PODN: variants seen among roughly 807,000 people sequenced by gnomAD.
PODN encodes podocan, also known as podocan proteoglycan.
PODN carries 40 observed loss-of-function variants against 52.7 expected under a neutral mutation model. The observed-to-expected ratio is 0.76, with a 90% CI of 0.59 to 0.99. The LOEUF (loss-of-function observed/expected upper bound fraction) is 0.99. Among genes scored for constraint, PODN ranks in the 50% least tolerant of loss-of-function variants. The pLI is 0.00. For synonymous variants in PODN, 396 were observed against 377.9 expected, an observed-to-expected ratio of 1.05 and a Z score of -0.56; for missense variants, 720 against 815.1, an observed-to-expected ratio of 0.88 and a Z score of 1.42.
At chr1:53,076,540 C>T (rs1644197663) in intron 5 of PODN, among the ~76,000 whole-genome samples, 1 of 152,186 alleles carries the variant, frequency 6.6e-6, no homozygotes, top group Non-Finnish European at 1.5e-5. Context: ...TCCTTGTCTT[C>T]CCTCCTTCTA....
At chr1:53,077,095 A>C in intron 5 of PODN, 95 bp from the exon 6 acceptor site, 3 of 1,455,384 alleles carry the variant, frequency 2.1e-6, no homozygotes, top group Non-Finnish European at 2.8e-6. Flanking sequence ...GGATGGAAGG[A>C]GAGCAGCCTG....
intron 1 of PODN, among the ~76,000 whole-genome samples, chr1:53,064,524 CTT>C (rs1004195480): frequency 3.9e-5 from 6 of 152,182 alleles, no homozygotes; most frequent in Admixed American, 1.3e-4. Context: ...TTTGTACTGA[CTT>C]TGAGTGGAGA....
At chr1:53,067,950 A>G (rs1483163244) in intron 1 of PODN, among the ~76,000 whole-genome samples, 2 of 150,762 alleles carry the variant, frequency 1.3e-5, no homozygotes, top group Non-Finnish European at 2.9e-5. Context: ...AGCAAGATCT[A>G]CAAGATCTAG....
Position 53,062,287 on chromosome 1 carries a change from G to T in PODN, c.-77G>T. ...GAGCGCGTTCGGCCTGTGGGGCGCC[G>T]CTCGGCGCCGGGGCGCAGCAGGTAC... On this transcript the variant is annotated 5_prime_UTR_variant, in exon 1 of 11. Coordinates refer to ENST00000312553, the MANE Select transcript of PODN (RefSeq NM_153703.5). The T allele has an allele frequency of 1.6e-6, 2 of 1,261,014 alleles. No homozygotes were observed. Among genetic ancestry groups the T allele is most frequent in the East Asian group, 3.0e-5 (1 of 33,412 alleles). 78.1% of individuals were successfully genotyped at this position (1,261,014 alleles called of 1,614,324 possible).
chr1:53,078,459 GAGA>G lies in PODN; in HGVS notation c.954_956del (p.Lys318del). On this transcript the variant is annotated inframe_deletion, in exon 8 of 11. Coordinates refer to ENST00000312553, the MANE Select transcript of PODN (RefSeq NM_153703.5). ...GCGCAGCCTGGTGCTGCTGCACTTG[GAGA>G]AGAACGCCATCCGGAGCGTGGACGC... The G allele has an allele frequency of 6.2e-7, 1 of 1,613,432 alleles. No individual in the cohort carries two copies.
rs371534933 is a variant in PODN at position 53,078,354 on chromosome 1, C to T, written c.855-11C>T. ...CTCTTGCCAACCGTCCTAATTCCCT[C>T]CCTGCCCCAGGAAGCTCTCCAGCCT... On this transcript the variant is annotated splice_polypyrimidine_tract_variant and intron_variant, in intron 7 of 10. Coordinates refer to ENST00000312553, the MANE Select transcript of PODN (RefSeq NM_153703.5). 31 of 1,604,430 alleles carry T rather than the reference C, an allele frequency of 1.9e-5. No homozygotes were observed. Among genetic ancestry groups the T allele is most frequent in the Non-Finnish European group, 1.2e-5 (14 of 1,172,920 alleles).
intron 9 of PODN, 23 bp downstream of exon 9, chr1:53,080,899 G>C (rs771990224): frequency 3.4e-5 from 55 of 1,612,374 alleles, no homozygotes; most frequent in Admixed American, 2.7e-4. Context: ...TCGCGGCCCT[G>C]TACACACCCC....
intron 1 of PODN, among the ~76,000 whole-genome samples, chr1:53,069,220 T>C (rs903188826): frequency 6.6e-6 from 1 of 152,140 alleles, no homozygotes; most frequent in Non-Finnish European, 1.5e-5. Flanking sequence ...CTGGAATTGG[T>C]TCCCAGAAAA....
chr1:53,077,740 G>A lies in PODN; in HGVS notation c.794G>A (p.Arg265His), dbSNP rs777742046. The A allele has an allele frequency of 1.7e-5, 27 of 1,613,606 alleles. No individual in the cohort carries two copies. Among genetic ancestry groups the A allele is most frequent in the South Asian group, 8.8e-5 (8 of 91,066 alleles). ...PGAFSELSSLRELYLQNNYLT... is the reference protein window; with the variant it reads ...PGAFSELSSLHELYLQNNYLT... ...GCCTTCAGCGAGCTGAGCAGCCTGC[G>A]CGAGCTATACCTGCAGAACAACTAC... is the stretch of plus-strand genomic sequence containing the variant. Residue 265 changes from arginine to histidine, a missense_variant, in exon 7 of 11, where the codon CGC becomes CAC. Physicochemically the swap from Arg to His is conservative, Grantham distance 29. Transcript: ENST00000312553.
intron 8 of PODN, among the ~76,000 whole-genome samples, chr1:53,080,262 C>T (rs1486416422): frequency 6.6e-6 from 1 of 152,190 alleles, no homozygotes; most frequent in East Asian, 1.9e-4. Flanking sequence ...AGTGAGCAGT[C>T]CCACTCAAGC....
At position 53,075,940 on chromosome 1, in the gene PODN, G is replaced by T; in HGVS notation, c.550G>T (p.Gly184Trp). 1.1e-5 allele frequency: 17 copies of T among 1,602,352 alleles called. No homozygotes were observed. Among genetic ancestry groups the T allele is most frequent in the Non-Finnish European group, 1.4e-5 (17 of 1,173,226 alleles). ...FAANYLTKIY[G>W]LTFGQKPNLR... ...TGCCAACTATCTCACCAAGATCTAT[G>T]GGCTCACCTTTGGCCAGAAGCCAAA... is the stretch of plus-strand genomic sequence containing the variant. Residue 184 changes from glycine (G) to tryptophan (W), a missense_variant, in exon 5 of 11, where the codon GGG (glycine) becomes TGG (tryptophan). By Grantham distance (184) the Gly-to-Trp change is radical. Coordinates refer to ENST00000312553, the MANE Select transcript of PODN (RefSeq NM_153703.5).
rs1644241668 is a variant in PODN, at chr1:53,078,886, A to G, written c.1376A>G (p.Lys459Arg). ...LPRNVHVLKV[K>R]RNELAALARG... ...CGAAATGTCCATGTGCTGAAGGTCAAGCGCAATGAGCTGGCTGCCTTGGCA... is the reference window on the plus strand; with the variant it reads ...CGAAATGTCCATGTGCTGAAGGTCAGGCGCAATGAGCTGGCTGCCTTGGCA... Residue 459 changes from lysine (K) to arginine (R), a missense_variant, in exon 8 of 11, where the codon AAG becomes AGG. By Grantham distance (26) the Lys-to-Arg change is conservative (BLOSUM62 2). Coordinates refer to ENST00000312553, the MANE Select transcript of PODN (RefSeq NM_153703.5). 1 of 1,611,358 alleles carries G rather than the reference A, an allele frequency of 6.2e-7. No individual in the cohort carries two copies. The highest frequency in any genetic ancestry group is 1.7e-5 in the Admixed American group (1 of 59,772).
chr1:53,063,295 G>T lies in PODN; in HGVS notation c.-56+987G>T. 4 of 928,458 alleles carry T rather than the reference G, an allele frequency of 4.3e-6. No individual in the cohort carries two copies. In the South Asian group the frequency reaches 2.0e-4, roughly 46 times the overall value. 57.5% of individuals were successfully genotyped at this position (928,458 alleles called of 1,614,324 possible). A position where few individuals can be genotyped will look rare whatever the true frequency, so the allele number is the denominator to read the frequency against. On this transcript the variant is annotated intron_variant, in intron 1 of 10. Coordinates refer to ENST00000312553, the MANE Select transcript of PODN (RefSeq NM_153703.5). ...CGCGGCACTGACTGAGCTGGTCCGGGAGGCGCGGAGGATGCTCACCCAGCG... is the reference window on the plus strand; with the variant it reads ...CGCGGCACTGACTGAGCTGGTCCGGTAGGCGCGGAGGATGCTCACCCAGCG...
intron 5 of PODN, 108 bp downstream of exon 5, chr1:53,076,079 C>G: frequency 2.1e-6 from 2 of 965,036 alleles, no homozygotes; most frequent in Non-Finnish European, 3.2e-6. Context: ...AGGCCCTGCA[C>G]TCAGGGCTGT....
At position 53,077,891 on chromosome 1, in the gene PODN, C is replaced by T. The variant is rs1047659778; in HGVS notation, c.854+91C>T. The T allele has an allele frequency of 1.1e-4, 113 of 986,820 alleles. No individual in the cohort carries two copies. The East Asian group carries it at 1.2e-3, about 11-fold the overall frequency. The allele number at this position is 986,820 out of a possible 1,614,324, so 61.1% of individuals were successfully genotyped here. A position where few individuals can be genotyped will look rare whatever the true frequency, so the allele number is the denominator to read the frequency against. On this transcript the variant is annotated intron_variant, in intron 7 of 10. Coordinates refer to ENST00000312553, the MANE Select transcript of PODN (RefSeq NM_153703.5). ...CCATCCAGCCCAGCCCAGCCCCTCACGCACGTCCCCTGCCCACCTTCCCTG... is the reference window on the plus strand; with the variant it reads ...CCATCCAGCCCAGCCCAGCCCCTCATGCACGTCCCCTGCCCACCTTCCCTG...
At chr1:53,080,639 AG>A (rs747657687) in intron 8 of PODN, 88 bp from the exon 9 acceptor site, 1 of 1,403,166 alleles carries the variant, frequency 7.1e-7, no homozygotes, top group Non-Finnish European at 9.8e-7. Flanking sequence ...TGTTAGATTT[AG>A]ATAGGCTGGG....
At chr1:53,063,608 G>A (rs1023368068) in intron 1 of PODN, 1 of 978,546 alleles carries the variant, frequency 1.0e-6, no homozygotes, top group East Asian at 1.1e-4. Context: ...AGACCAGGGG[G>A]GACTGCTCTG....
Position 53,085,089 on chromosome 1 carries a change from A to G in PODN, c.*604A>G, listed in dbSNP as rs1387014624. The G allele has an allele frequency of 6.6e-6, 1 of 152,302 alleles. No individual in the cohort carries two copies. The highest frequency in any genetic ancestry group is 2.4e-5 in the African/African-American group (1 of 41,458). The allele number at this position is 152,302 out of a possible 1,614,324, so 9.4% of individuals were successfully genotyped here. A position where few individuals can be genotyped will look rare whatever the true frequency, so the allele number is the denominator to read the frequency against. The stretch of plus-strand genomic sequence containing the variant: ...CTGGAACTCACAAAAGCTGGCTTTT[A>G]TTCCTTTCCCATCCTATGGGGACAG... On this transcript the variant is annotated 3_prime_UTR_variant, in exon 11 of 11. Coordinates refer to ENST00000312553, the MANE Select transcript of PODN (RefSeq NM_153703.5).
At chr1:53,075,813 G>C in intron 4 of PODN, 49 bp from the exon 5 acceptor site, 1 of 1,481,520 alleles carries the variant, frequency 6.7e-7, no homozygotes, top group South Asian at 1.2e-5. Context: ...ACCCACAGCT[G>C]GCCTCTGCTC....
Sources: gnomAD v4.1 joint callset for allele counts (sites outside exome capture counted in the v4.1 genomes callset) on GRCh38, gnomAD v4.1.1 for gene constraint, MANE v1.5 for transcripts, NCBI Gene and HGNC (gene_info 2026-07-23, HGNC 2026-07-21) for gene names.